The following PLBD1 variants were observed in gnomAD, a reference collection of about 807,000 sequenced individuals.
PLBD1 encodes the protein lysosomal leucine aminopeptidase.
In PLBD1, 60 loss-of-function variants were observed where a neutral mutation model predicts 63.0. That is an observed-to-expected ratio of 0.95 (90% CI 0.77 to 1.18). The LOEUF (loss-of-function observed/expected upper bound fraction) is 1.18. Among genes scored for constraint, PLBD1 ranks in the 50% most tolerant of loss-of-function variants. The pLI is 0.00. For synonymous variants in PLBD1, 262 were observed against 248.0 expected (o/e 1.06, Z -0.53); for missense variants, 598 against 677.9 (o/e 0.88, Z 1.31).
chr12:14,543,165 T>C (rs530180827), intron 2 of PLBD1, among the ~76,000 whole-genome samples: 2 of 152,278 alleles, frequency 1.3e-5, no homozygotes. Flanking sequence ...CCCTCTTTCA[T>C]GTTTTCTTTG....
chr12:14,561,745 G>A (rs796471504), intron 1 of PLBD1, among the ~76,000 whole-genome samples: 8 of 152,192 alleles, frequency 5.3e-5, no homozygotes, highest in Admixed American at 2.0e-4. Flanking sequence ...TAGCAGAGAC[G>A]GGGTTTGTCC....
Position 14,511,244 on chromosome 12 carries a change from G to A in PLBD1, c.1186+16C>T, listed in dbSNP as rs201667097. The A allele has an allele frequency of 1.5e-5, 23 of 1,565,224 alleles. No homozygotes were observed. The highest frequency in any genetic ancestry group is 1.7e-4 in the Middle Eastern group (1 of 5,828). ...ATACTCATCAGGTTTTAAGACTTACGACATGAAGAAAGTACCTTTCCGTAG... is the reference window on the plus strand; with the variant it reads ...ATACTCATCAGGTTTTAAGACTTACAACATGAAGAAAGTACCTTTCCGTAG... On this transcript the variant is annotated intron_variant, in intron 8 of 10. Transcript: ENST00000240617.
Position 14,511,812 on chromosome 12 carries a change from T to C in PLBD1, c.845-101A>G, listed in dbSNP as rs939794915. On this transcript the variant is annotated intron_variant, in intron 6 of 10. Coordinates refer to ENST00000240617, the MANE Select transcript of PLBD1 (RefSeq NM_024829.6). ...TACATACACAATGCATTTTGCAAAG[T>C]GTATCAGTTATTACTATCCTTGATC... The C allele has an allele frequency of 1.0e-5, 12 of 1,162,662 alleles. No homozygotes were observed. In the African/African-American group the frequency reaches 1.1e-4, roughly 10 times the overall value. 72.0% of individuals were successfully genotyped at this position (1,162,662 alleles called of 1,614,324 possible).
chr12:14,531,027 T>C (rs1945456203), intron 6 of PLBD1: 1 of 152,242 alleles, frequency 6.6e-6, no homozygotes, highest in African/African-American at 2.4e-5. Context: ...GTTGTTTGTT[T>C]GTCTTTTTTA....
At chr12:14,541,087 C>G (rs1381214435) in intron 3 of PLBD1, among the ~76,000 whole-genome samples, 185 bp from the exon 4 acceptor site, 1 of 152,146 alleles carries the variant, frequency 6.6e-6, no homozygotes, top group African/African-American at 2.4e-5. Flanking sequence ...TAATTTCTCC[C>G]TAGGGTTATG....
chr12:14,560,107 G>C (rs1945734715), intron 1 of PLBD1, among the ~76,000 whole-genome samples: 1 of 152,136 alleles, frequency 6.6e-6, no homozygotes, highest in Admixed American at 6.5e-5. Context: ...TGATTTGCCT[G>C]CCTTGGCCTC....
In PLBD1 at chr12:14,567,850, C is replaced by A. The variant is rs1419847060; in HGVS notation, c.-154G>T. ...TCCTCTTTCTTGAGCCCGGCCTGCT[C>A]CGGGCTCTGAGGGGCGAGGACGCTT... On this transcript the variant is annotated 5_prime_UTR_variant, in exon 1 of 11. Coordinates refer to ENST00000240617, the MANE Select transcript of PLBD1 (RefSeq NM_024829.6). 8.9e-7 allele frequency: 1 copy of A among 1,117,546 alleles called. No individual in the cohort carries two copies. The highest frequency in any genetic ancestry group is 3.3e-5 in the East Asian group (1 of 30,672). 69.2% of individuals were successfully genotyped at this position (1,117,546 alleles called of 1,614,324 possible). A position where few individuals can be genotyped will look rare whatever the true frequency, so the allele number is the denominator to read the frequency against.
At chr12:14,541,427 G>C (rs1346111914) in intron 3 of PLBD1, among the ~76,000 whole-genome samples, 2 of 152,128 alleles carry the variant, frequency 1.3e-5, no homozygotes, top group African/African-American at 4.8e-5. Flanking sequence ...GTCCTAGCAT[G>C]GTAGCAAAAA....
At chr12:14,566,571 TTTTAA>T (rs1389680057) in intron 1 of PLBD1, among the ~76,000 whole-genome samples, 7 of 152,034 alleles carry the variant, frequency 4.6e-5, no homozygotes, top group African/African-American at 1.2e-4. Context: ...ATCCAAGGCT[TTTTAA>T]TTTAATTTAA....
chr12:14,560,631 C>T (rs1945737509), intron 1 of PLBD1, among the ~76,000 whole-genome samples: 1 of 152,194 alleles, frequency 6.6e-6, no homozygotes, highest in African/African-American at 2.4e-5. Flanking sequence ...TGTTTTGACT[C>T]TTCATCGGAG....
intron 1 of PLBD1, among the ~76,000 whole-genome samples, chr12:14,556,989 CAAAA>C (rs71038607): frequency 3.9e-5 from 3 of 76,312 alleles, no homozygotes; most frequent in African/African-American, 1.6e-4. Flanking sequence ...AATTCCCTCT[CAAAA>C]AAAAAAAAAA....
chr12:14,507,488 G>A (rs1369597381), intron 8 of PLBD1, among the ~76,000 whole-genome samples: 3 of 152,192 alleles, frequency 2.0e-5, no homozygotes, highest in Admixed American at 6.5e-5. Flanking sequence ...TTACTGAAAT[G>A]CCAAGAAATG....
intron 6 of PLBD1, among the ~76,000 whole-genome samples, chr12:14,515,493 T>C (rs1405154374): frequency 1.3e-5 from 2 of 152,130 alleles, no homozygotes; most frequent in Non-Finnish European, 2.9e-5. Context: ...GCTTTTTTTT[T>C]CTTGGTTCTA....
intron 1 of PLBD1, among the ~76,000 whole-genome samples, chr12:14,567,216 G>A (rs937349213): frequency 2.0e-5 from 3 of 152,168 alleles, no homozygotes; most frequent in Non-Finnish European, 2.9e-5. Context: ...AAAACAAATG[G>A]CAAGCCGGAA....
At chr12:14,562,326 G>C (rs536737768) in intron 1 of PLBD1, among the ~76,000 whole-genome samples, 2 of 152,130 alleles carry the variant, frequency 1.3e-5, no homozygotes, top group South Asian at 4.2e-4. Context: ...CAGGTGCGGT[G>C]GCACATGCTT....
intron 6 of PLBD1, among the ~76,000 whole-genome samples, chr12:14,530,858 T>A (rs1248111365): frequency 6.6e-6 from 1 of 152,226 alleles, no homozygotes; most frequent in Non-Finnish European, 1.5e-5. Flanking sequence ...GCTTCTCCAT[T>A]CCTTACTCAG....
At chr12:14,541,696 A>G (rs949984213) in intron 3 of PLBD1, among the ~76,000 whole-genome samples, 2 of 152,212 alleles carry the variant, frequency 1.3e-5, no homozygotes, top group African/African-American at 4.8e-5. Flanking sequence ...CTGTCCCCAA[A>G]TTAATCTCCT....
intron 6 of PLBD1, among the ~76,000 whole-genome samples, chr12:14,523,525 A>G (rs183695673): frequency 9.2e-4 from 140 of 152,352 alleles, no homozygotes; most frequent in African/African-American, 3.3e-3. Flanking sequence ...AGTCAAAGCA[A>G]TCTTGAGCAA....
rs1453907606 is a variant in PLBD1, at chr12:14,511,647, T to C, written c.909A>G (p.Thr303=). The change falls in exon 7 of 11, where the codon ACA becomes ACG. Residue 303 remains threonine (T), a synonymous_variant. Transcript: ENST00000240617. ...GCAGGGTTTTATTAAACACACTGTT[T>C]GTGGTCTGCAGCAATATCAATCCAC... ...LSSGLILLQT[T]NSVFNKTLLK... 6.2e-7 allele frequency: 1 copy of C among 1,614,184 alleles called. No individual in the cohort carries two copies. Among genetic ancestry groups the C allele is most frequent in the Admixed American group, 1.7e-5 (1 of 60,024 alleles).
Sources: allele counts gnomAD v4.1 joint callset (sites outside exome capture counted in the v4.1 genomes callset), GRCh38; gene constraint gnomAD v4.1.1; transcripts MANE v1.5; gene names NCBI Gene and HGNC (gene_info 2026-07-23, HGNC 2026-07-21).